Variants in PTPRD observed in about 807,000 individuals in gnomAD.
PTPRD encodes the protein protein tyrosine phosphatase receptor type D, also known as receptor-type tyrosine-protein phosphatase delta.
Under a neutral mutation model 214.5 loss-of-function variants are expected in PTPRD, and 34 were observed. The ratio of observed to expected loss-of-function variants is 0.16; its 90% confidence interval spans 0.12 to 0.21. PTPRD has a LOEUF of 0.21. PTPRD is among the 10% of genes least tolerant of loss of function. The pLI is 1.00. For missense variants in PTPRD, 2,545 were observed against 2,398.7 expected (o/e 1.06, Z -1.27); for synonymous variants, 1,128 against 845.7 (o/e 1.33, Z -5.79).
chr9:8,607,468 C>G (rs535314287), intron 14 of PTPRD, among the ~76,000 whole-genome samples: 1 of 152,166 alleles, frequency 6.6e-6, no homozygotes, highest in East Asian at 1.9e-4. Flanking sequence ...CATGGTGAAA[C>G]CCCGTCTCTA....
chr9:9,595,572 GTGTGTA>G (rs776021684), intron 7 of PTPRD, among the ~76,000 whole-genome samples: 53 of 144,768 alleles, frequency 3.7e-4, no homozygotes, highest in Non-Finnish European at 4.9e-4. Context: ...GTGTGTGTGT[GTGTGTA>G]TATACATATA....
At chr9:9,409,664 GTA>G (rs1260580863) in intron 8 of PTPRD, among the ~76,000 whole-genome samples, 1 of 151,990 alleles carries the variant, frequency 6.6e-6, no homozygotes, top group Non-Finnish European at 1.5e-5. Flanking sequence ...GGGAGAATCA[GTA>G]ACTACAATAA....
intron 11 of PTPRD, among the ~76,000 whole-genome samples, chr9:8,760,928 C>T (rs545213226): frequency 6.6e-6 from 1 of 152,206 alleles, no homozygotes; most frequent in African/African-American, 2.4e-5. Context: ...ATTTCTAGTG[C>T]CTACTGCATA....
intron 11 of PTPRD, among the ~76,000 whole-genome samples, chr9:8,875,747 G>C (rs1341556841): frequency 6.6e-6 from 1 of 152,128 alleles, no homozygotes; most frequent in Non-Finnish European, 1.5e-5. Context: ...TGATTTTAGA[G>C]TGGTTAGAGG....
chr9:8,640,141 G>A (rs1161746818), intron 12 of PTPRD, among the ~76,000 whole-genome samples: 3 of 152,066 alleles, frequency 2.0e-5, no homozygotes, highest in Non-Finnish European at 4.4e-5. Context: ...ATGTTGTTCA[G>A]CATGTCTTGA....
intron 8 of PTPRD, among the ~76,000 whole-genome samples, chr9:9,477,998 A>G (rs1158454254): frequency 6.6e-6 from 1 of 152,234 alleles, no homozygotes; most frequent in Admixed American, 6.5e-5. Context: ...AAATTTAATA[A>G]CAGTAATGAA....
At chr9:9,506,728 G>A (rs1352358668) in intron 8 of PTPRD, among the ~76,000 whole-genome samples, 1 of 151,376 alleles carries the variant, frequency 6.6e-6, no homozygotes, top group East Asian at 1.9e-4. Flanking sequence ...AGCACATTAA[G>A]AAGTTATCTG....
intron 3 of PTPRD, among the ~76,000 whole-genome samples, chr9:10,330,315 A>T (rs2096725689): frequency 1.3e-5 from 2 of 151,856 alleles, no homozygotes; most frequent in Admixed American, 6.6e-5. Flanking sequence ...TAAAACAGAT[A>T]TACAAAGAGT....
chr9:10,485,174 G>C (rs1163439416), intron 2 of PTPRD, among the ~76,000 whole-genome samples: 1 of 151,904 alleles, frequency 6.6e-6, no homozygotes. Flanking sequence ...GTTCACTGCA[G>C]GTATGTAAAC....
chr9:10,078,909 C>G (rs2098183329), intron 3 of PTPRD, among the ~76,000 whole-genome samples: 1 of 152,126 alleles, frequency 6.6e-6, no homozygotes, highest in South Asian at 2.1e-4. Context: ...TCCTCACCAT[C>G]TGGTTGCCTT....
chr9:8,381,888 C>G lies in PTPRD; in HGVS notation c.4387-5162G>C, dbSNP rs116173577. Among the ~76,000 whole-genome samples, 246 of 152,304 alleles carry G rather than the reference C, an allele frequency of 1.6e-3. 2 individuals carry two copies. Among genetic ancestry groups the G allele is most frequent in the African/African-American group, 5.8e-3 (242 of 41,566 alleles). ...AAGTCTCAAGTTTCTGGCACTTTGT[C>G]CTAACCAGAGCAGAACTGTGTGAGG... On this transcript the variant is annotated intron_variant, in intron 37 of 45. Coordinates refer to ENST00000381196, the MANE Select transcript of PTPRD (RefSeq NM_002839.4).
chr9:10,111,312 C>T lies in PTPRD; in HGVS notation c.-544-77522G>A, dbSNP rs558633014. On this transcript the variant is annotated intron_variant, in intron 3 of 45. Transcript: ENST00000381196. ...GGAGTGCAGTGGCGGGATCTCGGCT[C>T]ACTGCAAGCTCCGCCTCCTGGGTTC... is the stretch of plus-strand genomic sequence containing the variant. Among the ~76,000 whole-genome samples the T allele has an allele frequency of 1.1e-3, 152 of 136,168 alleles. 4 individuals are homozygous for T. The highest frequency in any genetic ancestry group is 1.9e-3 in the Non-Finnish European group (126 of 65,260). 89.3% of individuals were successfully genotyped at this position (136,168 alleles called of 152,430 possible). A position where few individuals can be genotyped will look rare whatever the true frequency, so the allele number is the denominator to read the frequency against.
intron 7 of PTPRD, among the ~76,000 whole-genome samples, chr9:9,609,040 T>G (rs1046782594): frequency 1.3e-5 from 2 of 152,180 alleles, no homozygotes; most frequent in Admixed American, 1.3e-4. Flanking sequence ...ATGTATTGAA[T>G]TTTCTTTAAA....
intron 5 of PTPRD, among the ~76,000 whole-genome samples, chr9:9,842,575 T>C (rs1389095672): frequency 1.3e-5 from 2 of 151,972 alleles, no homozygotes; most frequent in Admixed American, 6.6e-5. Context: ...ATTATAAAAC[T>C]AGTATCGTTG....
intron 10 of PTPRD, among the ~76,000 whole-genome samples, chr9:9,070,677 T>C (rs1023560988): frequency 1.3e-5 from 2 of 152,196 alleles, no homozygotes; most frequent in Admixed American, 6.5e-5. Flanking sequence ...ACACTACCTG[T>C]TCTTATGTAC....
At chr9:9,617,792 G>A (rs2094971861) in intron 7 of PTPRD, among the ~76,000 whole-genome samples, 1 of 151,802 alleles carries the variant, frequency 6.6e-6, no homozygotes, top group African/African-American at 2.4e-5. Context: ...ATGATTTTGG[G>A]CCCGGCGCGG....
chr9:8,345,030 C>T (rs1463494518), intron 39 of PTPRD, among the ~76,000 whole-genome samples: 1 of 75,186 alleles, frequency 1.3e-5, no homozygotes, highest in East Asian at 4.3e-4. Context: ...GACAGAATTA[C>T]TTTAGAAACA....
At chr9:10,526,296 G>C (rs1032639855) in intron 2 of PTPRD, among the ~76,000 whole-genome samples, 1 of 151,980 alleles carries the variant, frequency 6.6e-6, no homozygotes, top group African/African-American at 2.4e-5. Context: ...ATAATTTCTT[G>C]GGCACATATT....
At chr9:8,923,740 A>G (rs1162833072) in intron 11 of PTPRD, among the ~76,000 whole-genome samples, 1 of 152,208 alleles carries the variant, frequency 6.6e-6, no homozygotes, top group Non-Finnish European at 1.5e-5. Flanking sequence ...TATTCTGTTT[A>G]TAAACACATG....
Sources: allele counts gnomAD v4.1 joint callset (sites outside exome capture counted in the v4.1 genomes callset), GRCh38; gene constraint gnomAD v4.1.1; transcripts MANE v1.5; gene names NCBI Gene and HGNC (gene_info 2026-07-23, HGNC 2026-07-21).